MCTP1: variants seen among roughly 807,000 people sequenced by gnomAD.
MCTP1 encodes the protein multiple C2 and transmembrane domain-containing protein 1.
MCTP1 carries 69 observed loss-of-function variants against 120.6 expected under a neutral mutation model. The observed-to-expected ratio is 0.57, with a 90% confidence interval of 0.47 to 0.70. The LOEUF (loss-of-function observed/expected upper bound fraction) is 0.70. Among genes scored for constraint, MCTP1 ranks in the 30% least tolerant of loss-of-function variants. MCTP1 has a pLI of 0.00. For missense variants in MCTP1, 1,203 were observed against 1,248.8 expected (o/e 0.96, Z 0.55); for synonymous variants, 529 against 493.1 (o/e 1.07, Z -0.96).
chr5:94,734,459 ACT>A (rs1311510525), intron 19 of MCTP1, among the ~76,000 whole-genome samples: 1 of 152,214 alleles, frequency 6.6e-6, no homozygotes, highest in Non-Finnish European at 1.5e-5. Context: ...TCATGTGGTT[ACT>A]ATGTGTCAAA....
At position 94,707,230 on chromosome 5, in the gene MCTP1, T is replaced by C. The variant is rs542089675; in HGVS notation, c.*266A>G. 321 of 329,354 alleles carry C rather than the reference T, an allele frequency of 9.7e-4. 5 individuals are homozygous for C. In the South Asian group the frequency reaches 0.019, roughly 20 times the overall value. The allele number at this position is 329,354 out of a possible 1,614,324, so 20.4% of individuals were successfully genotyped here. ...ATATCTTCCAGTGTTATCATTCTTATATTTGTTCTTTCAGTGTGTTATATT... is the reference window on the plus strand; with the variant it reads ...ATATCTTCCAGTGTTATCATTCTTACATTTGTTCTTTCAGTGTGTTATATT... On this transcript the variant is annotated 3_prime_UTR_variant, in exon 23 of 23. Coordinates refer to ENST00000515393, the MANE Select transcript of MCTP1 (RefSeq NM_024717.7).
chr5:95,249,341 G>A (rs1165326184), intron 1 of MCTP1, among the ~76,000 whole-genome samples: 1 of 152,024 alleles, frequency 6.6e-6, no homozygotes, highest in African/African-American at 2.4e-5. Context: ...TCAGAAAGTG[G>A]GTGAAAGATA....
At chr5:95,081,599 A>C (rs1176565695) in intron 1 of MCTP1, 7 of 1,417,546 alleles carry the variant, frequency 4.9e-6, no homozygotes, top group Middle Eastern at 1.9e-4. Context: ...TGATAGCAAC[A>C]GCCCTGCACG....
chr5:94,907,182 G>A (rs1581279663), intron 10 of MCTP1, among the ~76,000 whole-genome samples: 2 of 152,138 alleles, frequency 1.3e-5, no homozygotes, highest in East Asian at 3.9e-4. Context: ...AATTTAACAA[G>A]CGTCAAGTTA....
At chr5:94,961,326 A>T (rs1307444068) in intron 2 of MCTP1, among the ~76,000 whole-genome samples, 1 of 152,124 alleles carries the variant, frequency 6.6e-6, no homozygotes, top group East Asian at 1.9e-4. Flanking sequence ...AATGTAGATG[A>T]CAGGTTGATG....
In MCTP1 at chr5:94,998,475, C is replaced by A. The variant is rs55963195; in HGVS notation, c.838+18892G>T. ...GAAACCCATTCTAGGAAACACAGAC[C>A]AACTGATTCTGGTAGACCGCCTGAC... On this transcript the variant is annotated intron_variant, in intron 2 of 22. Transcript: ENST00000515393. 8.3e-3 allele frequency among the ~76,000 whole-genome samples: 1,262 copies of A among 152,226 alleles called. 17 individuals carry two copies. The highest frequency in any genetic ancestry group is 0.029 in the African/African-American group (1,201 of 41,512).
chr5:95,152,522 G>GA (rs1562186837), intron 1 of MCTP1, among the ~76,000 whole-genome samples: 1 of 152,164 alleles, frequency 6.6e-6, no homozygotes, highest in Non-Finnish European at 1.5e-5. Context: ...CAGATATGGG[G>GA]AAAAATTAAT....
At chr5:94,767,158 G>A (rs76670268) in intron 19 of MCTP1, among the ~76,000 whole-genome samples, 2,570 of 152,166 alleles carry the variant, frequency 0.017, 31 homozygotes, top group Non-Finnish European at 0.027. Context: ...TTAACAGACT[G>A]GACAAAACCA....
chr5:95,082,726 T>C (rs1755081895), intron 1 of MCTP1, among the ~76,000 whole-genome samples: 1 of 152,176 alleles, frequency 6.6e-6, no homozygotes, highest in Non-Finnish European at 1.5e-5. Flanking sequence ...GTGTTGGAGA[T>C]CTAGTGTATG....
intron 10 of MCTP1, among the ~76,000 whole-genome samples, chr5:94,905,492 AG>A (rs1561835449): frequency 6.6e-6 from 1 of 152,218 alleles, no homozygotes; most frequent in Non-Finnish European, 1.5e-5. Flanking sequence ...TCCATATGAA[AG>A]CTGATGGTGG....
chr5:94,721,113 A>C lies in MCTP1; in HGVS notation c.2611-6227T>G, dbSNP rs192105903. On this transcript the variant is annotated intron_variant, in intron 19 of 22. Transcript: ENST00000515393. ...TGAGATAAAGAAAAATGATTTCAAA[A>C]TGTTTCGAAAATGCAGACACCATAA... Among the ~76,000 whole-genome samples, 137 of 152,308 alleles carry C rather than the reference A, an allele frequency of 9.0e-4. 2 individuals carry two copies. Among genetic ancestry groups the C allele is most frequent in the Admixed American group, 6.2e-3 (95 of 15,302 alleles).
chr5:94,925,925 A>T (rs1812976863), intron 6 of MCTP1, among the ~76,000 whole-genome samples: 1 of 152,224 alleles, frequency 6.6e-6, no homozygotes, highest in African/African-American at 2.4e-5. Context: ...TCTAATACAC[A>T]CTAAGAAAAT....
intron 18 of MCTP1, chr5:94,784,767 G>A (rs1325185983): frequency 1.3e-5 from 2 of 151,836 alleles, no homozygotes; most frequent in African/African-American, 2.4e-5. Flanking sequence ...GCTTGCCAGG[G>A]AGGCTGAATA....
chr5:94,870,995 G>A, intron 14 of MCTP1, 22 bp from the exon 15 acceptor site: 2 of 1,589,768 alleles, frequency 1.3e-6, no homozygotes, highest in Non-Finnish European at 1.7e-6. Flanking sequence ...GGACATGACA[G>A]CCGTCTGTCT....
chr5:95,239,858 T>G (rs1231502341), intron 1 of MCTP1, among the ~76,000 whole-genome samples: 2 of 152,166 alleles, frequency 1.3e-5, no homozygotes, highest in Non-Finnish European at 2.9e-5. Context: ...TTTTCTAACA[T>G]TTTCTTCTTC....
chr5:94,937,522 T>G (rs1266502511), intron 5 of MCTP1, among the ~76,000 whole-genome samples: 2 of 152,084 alleles, frequency 1.3e-5, no homozygotes, highest in African/African-American at 4.8e-5. Context: ...TTATTTGTGT[T>G]TGATAACTTA....
intron 1 of MCTP1, among the ~76,000 whole-genome samples, chr5:95,180,936 C>T (rs183788593): frequency 3.4e-4 from 52 of 152,284 alleles, no homozygotes; most frequent in African/African-American, 1.2e-3. Flanking sequence ...CCTAATCTAT[C>T]AGTTTGCTCA....
At chr5:94,806,543 A>ATCAAT (rs1437332414) in intron 17 of MCTP1, among the ~76,000 whole-genome samples, 2 of 152,320 alleles carry the variant, frequency 1.3e-5, no homozygotes, top group South Asian at 4.2e-4. Flanking sequence ...ACATCATCCC[A>ATCAAT]TCAATTGATG....
intron 1 of MCTP1, among the ~76,000 whole-genome samples, chr5:95,173,773 A>G (rs891814871): frequency 6.6e-6 from 1 of 152,142 alleles, no homozygotes; most frequent in African/African-American, 2.4e-5. Context: ...AGACCCAAAT[A>G]AACAACCACA....
Sources: gnomAD v4.1 joint callset for allele counts (sites outside exome capture counted in the v4.1 genomes callset) on GRCh38, gnomAD v4.1.1 for gene constraint, MANE v1.5 for transcripts, NCBI Gene and HGNC (gene_info 2026-07-23, HGNC 2026-07-21) for gene names.